Variants in CORO2B observed in about 807,000 individuals in gnomAD.
CORO2B encodes coronin 2B, also known as coronin-2B.
Under a neutral mutation model 58.8 loss-of-function variants are expected in CORO2B, and 26 were observed. The observed-to-expected ratio is 0.44, with a 90% CI of 0.32 to 0.61. The LOEUF (loss-of-function observed/expected upper bound fraction) is 0.61, where lower values mean the gene tolerates loss of function less well. Ranked by LOEUF, CORO2B falls within the 20% of genes least tolerant of loss-of-function variation. The probability of loss-of-function intolerance (pLI) is 0.04; values close to 1 mark genes in which losing one functional copy is unlikely to be tolerated. For missense variants in CORO2B, 460 were observed against 645.1 expected, an observed-to-expected ratio of 0.71 and a Z score of 3.11; for synonymous variants, 242 against 253.8, an observed-to-expected ratio of 0.95 and a Z score of 0.44.
the CORO2B span, among the ~76,000 whole-genome samples, chr15:68,568,108 C>A: frequency 6.6e-6 from 1 of 152,192 alleles, no homozygotes; most frequent in Non-Finnish European, 1.5e-5. Flanking sequence ...TGGGGCCACC[C>A]CCTGGGGTTC....
chr15:68,633,139 T>C (rs1262752015), intron 1 of CORO2B, among the ~76,000 whole-genome samples: 2 of 152,028 alleles, frequency 1.3e-5, no homozygotes, highest in Admixed American at 1.3e-4. Context: ...TGTGGGTCAC[T>C]TCTATGGAGC....
intron 2 of CORO2B, among the ~76,000 whole-genome samples, chr15:68,665,011 G>GTCGTT (rs1555414880): frequency 6.6e-6 from 1 of 151,890 alleles, no homozygotes; most frequent in Non-Finnish European, 1.5e-5. Flanking sequence ...AAGTTTACCA[G>GTCGTT]TCTTTTATGG....
At chr15:68,559,567 G>C in the CORO2B span, 2 of 985,262 alleles carry the variant, frequency 2.0e-6, no homozygotes, top group Non-Finnish European at 2.4e-6. This position sits in a 1 kb window ranked among gnomAD's most constrained non-coding sequence, Gnocchi z 4.3. Flanking sequence ...CCCGCTGGAA[G>C]AGCTGCAGGG....
chr15:68,636,385 A>G (rs931178816), intron 1 of CORO2B, among the ~76,000 whole-genome samples: 2 of 152,196 alleles, frequency 1.3e-5, no homozygotes, highest in Non-Finnish European at 2.9e-5. Flanking sequence ...GAGGCCTGGT[A>G]TAGAATAGAC....
chr15:68,603,527 C>A (rs1178278805), intron 1 of CORO2B, among the ~76,000 whole-genome samples: 1 of 151,982 alleles, frequency 6.6e-6, no homozygotes, highest in Admixed American at 6.6e-5. Flanking sequence ...AATTGTATCC[C>A]CCTAATTCAT....
intron 1 of CORO2B, among the ~76,000 whole-genome samples, chr15:68,643,255 A>G (rs1052443254): frequency 2.0e-5 from 3 of 151,918 alleles, no homozygotes; most frequent in African/African-American, 7.3e-5. Flanking sequence ...GTGCTTGGGG[A>G]AGGGAGAGCC....
At chr15:68,707,273 T>G (rs1892807107) in intron 3 of CORO2B, among the ~76,000 whole-genome samples, 1 of 152,126 alleles carries the variant, frequency 6.6e-6, no homozygotes. Context: ...TTTTTAAAGG[T>G]ATAGTTTTAG....
chr15:68,672,871 C>T (rs1254615870), intron 2 of CORO2B, among the ~76,000 whole-genome samples: 1 of 152,186 alleles, frequency 6.6e-6, no homozygotes, highest in African/African-American at 2.4e-5. Context: ...ATGTGAGAGC[C>T]ACATAATGTG....
chr15:68,607,825 A>AG lies in CORO2B; in HGVS notation c.15+28548_15+28549insG, dbSNP rs1431761236. Among the ~76,000 whole-genome samples the AG allele has an allele frequency of 5.3e-5, 8 of 152,128 alleles. No individual in the cohort carries two copies. The East Asian group carries it at 1.5e-3, about 29-fold the overall frequency. On this transcript the variant is annotated intron_variant, in intron 1 of 11. Coordinates refer to ENST00000261861, the MANE Select transcript of CORO2B (RefSeq NM_006091.5). ...AGAGTGAGACCCTATCTCAAAAAAAAAAAAAAAAAAGATGCCCTCTTAGCT... is the reference window on the plus strand; with the variant it reads ...AGAGTGAGACCCTATCTCAAAAAAAAGAAAAAAAAAAGATGCCCTCTTAGCT...
At chr15:68,545,612 C>CGGGGGGGGG in the CORO2B span, among the ~76,000 whole-genome samples, 7 of 53,256 alleles carry the variant, frequency 1.3e-4, no homozygotes, top group Admixed American at 2.2e-4. Context: ...ATGCGGGGGG[C>CGGGGGGGGG]GGGGGGGGTA....
At chr15:68,627,379 C>T (rs1900712479) in intron 1 of CORO2B, among the ~76,000 whole-genome samples, 1 of 152,068 alleles carries the variant, frequency 6.6e-6, no homozygotes, top group African/African-American at 2.4e-5. Flanking sequence ...GGTTTATGGA[C>T]CTTCAAGTGC....
intron 9 of CORO2B, 64 bp from the exon 10 acceptor site, chr15:68,719,080 C>T (rs1893099877): frequency 1.7e-5 from 22 of 1,293,380 alleles, no homozygotes; most frequent in Non-Finnish European, 2.3e-5. Context: ...AAGAGTCTGA[C>T]TGAAGAGTAG....
At chr15:68,624,209 G>A (rs528172693) in intron 1 of CORO2B, among the ~76,000 whole-genome samples, 2 of 152,164 alleles carry the variant, frequency 1.3e-5, no homozygotes, top group South Asian at 4.2e-4. Context: ...TACCAATGTC[G>A]GCTATTAGAA....
chr15:68,543,993 T>A, the CORO2B span, among the ~76,000 whole-genome samples: 1 of 152,178 alleles, frequency 6.6e-6, no homozygotes, highest in South Asian at 2.1e-4. Context: ...GTCACGTGTT[T>A]CTCTGCCTAG....
intron 1 of CORO2B, among the ~76,000 whole-genome samples, chr15:68,593,872 A>G (rs547916556): frequency 6.6e-6 from 1 of 152,256 alleles, no homozygotes; most frequent in Non-Finnish European, 1.5e-5. Flanking sequence ...TCCTGACCTG[A>G]GAAGGGCGAG....
chr15:68,555,603 G>C, the CORO2B span, among the ~76,000 whole-genome samples: 3 of 152,380 alleles, frequency 2.0e-5, no homozygotes, highest in East Asian at 5.8e-4. Flanking sequence ...GATGCTGGGA[G>C]AGGGGCCCAG....
chr15:68,653,336 C>T (rs1200211096), intron 2 of CORO2B, among the ~76,000 whole-genome samples: 1 of 152,190 alleles, frequency 6.6e-6, no homozygotes, highest in Non-Finnish European at 1.5e-5. Flanking sequence ...AATTGGCTAC[C>T]TCTCTTGGAC....
At chr15:68,630,211 C>G (rs979367386) in intron 1 of CORO2B, among the ~76,000 whole-genome samples, 4 of 152,224 alleles carry the variant, frequency 2.6e-5, no homozygotes, top group African/African-American at 9.6e-5. Flanking sequence ...CAAGGCTCAG[C>G]AGTGTTGCTG....
chr15:68,633,366 C>T (rs1289014784), intron 1 of CORO2B, among the ~76,000 whole-genome samples: 5 of 152,068 alleles, frequency 3.3e-5, no homozygotes, highest in East Asian at 1.9e-4. Context: ...ACAGTTATCA[C>T]GGATGTTTTC....
Sources: gnomAD v4.1 joint callset for allele counts (sites outside exome capture counted in the v4.1 genomes callset) on GRCh38, gnomAD v4.1.1 for gene constraint, Gnocchi (gnomAD v3.1) non-coding constraint, MANE v1.5 for transcripts, NCBI Gene and HGNC (gene_info 2026-07-23, HGNC 2026-07-21) for gene names.